CCDC62: variants seen among roughly 807,000 people sequenced by gnomAD.
CCDC62 encodes the protein coiled-coil domain containing 62.
In CCDC62, 72 loss-of-function variants were observed where a neutral mutation model predicts 80.8. The ratio of observed to expected loss-of-function variants is 0.89; its 90% CI spans 0.74 to 1.08. The LOEUF (loss-of-function observed/expected upper bound fraction) is 1.08, where lower values mean the gene tolerates loss of function less well. CCDC62 is among the 50% of genes least tolerant of loss of function. The pLI is 0.00. For synonymous variants in CCDC62, 286 were observed against 296.5 expected, an observed-to-expected ratio of 0.96 and a Z score of 0.36; for missense variants, 704 against 809.4, an observed-to-expected ratio of 0.87 and a Z score of 1.58.
At chr12:122,788,124 AAC>A (rs1419138613) in intron 4 of CCDC62, among the ~76,000 whole-genome samples, 1 of 152,182 alleles carries the variant, frequency 6.6e-6, no homozygotes, top group Non-Finnish European at 1.5e-5. Context: ...ACCTCTTAAT[AAC>A]AGTTATTCCA....
Position 122,796,163 on chromosome 12 carries a change from AT to A in CCDC62, c.773-1134del, listed in dbSNP as rs145540220. ...TAAGGCAACATTCAAATATACATAT[AT>A]TTTTTTTTTCTTTGACCACCTGCCC... On this transcript the variant is annotated intron_variant, in intron 6 of 12. Coordinates refer to ENST00000253079, the MANE Select transcript of CCDC62 (RefSeq NM_201435.5). Among the ~76,000 whole-genome samples, 368 of 150,464 alleles carry A rather than the reference AT, an allele frequency of 2.4e-3. 3 individuals are homozygous for A. Among genetic ancestry groups the A allele is most frequent in the South Asian group, 8.4e-3 (40 of 4,738 alleles).
intron 4 of CCDC62, 81 bp from the exon 5 acceptor site, chr12:122,788,677 T>A: frequency 1.1e-6 from 1 of 875,682 alleles, no homozygotes; most frequent in Non-Finnish European, 1.8e-6. Flanking sequence ...TGGCACACGA[T>A]AAGATCTTAG....
At chr12:122,800,458 C>T (rs909742457) in intron 8 of CCDC62, among the ~76,000 whole-genome samples, 24 of 149,226 alleles carry the variant, frequency 1.6e-4, no homozygotes, top group Non-Finnish European at 3.4e-4. Context: ...TGGAGTTTCA[C>T]TCTTGTCACC....
intron 4 of CCDC62, among the ~76,000 whole-genome samples, chr12:122,787,033 T>C (rs576386899): frequency 1.3e-5 from 2 of 152,330 alleles, no homozygotes; most frequent in South Asian, 4.1e-4. Context: ...GCAGACAGTT[T>C]AGTGGCTTCA....
chr12:122,797,563 C>T lies in CCDC62; in HGVS notation c.861+168C>T, dbSNP rs139377064. Among the ~76,000 whole-genome samples the T allele has an allele frequency of 2.7e-3, 408 of 152,118 alleles. 1 individual carries two copies. The highest frequency in any genetic ancestry group is 0.017 in the Middle Eastern group (5 of 294). On this transcript the variant is annotated intron_variant, in intron 7 of 12. Transcript: ENST00000253079. ...TTTTATTATTATTATTTTTTTGAGA[C>T]GGAGTCTCGCACTGTCAACCGGGCT...
chr12:122,780,398 G>C (rs1021247295), intron 2 of CCDC62, among the ~76,000 whole-genome samples: 1 of 151,374 alleles, frequency 6.6e-6, no homozygotes, highest in African/African-American at 2.4e-5. Flanking sequence ...CTGATCACGA[G>C]GTCAGGAGAT....
intron 2 of CCDC62, 113 bp downstream of exon 2, chr12:122,777,796 T>C: frequency 1.0e-6 from 1 of 962,926 alleles, no homozygotes; most frequent in Non-Finnish European, 1.5e-6. Context: ...TGTCCTCAAG[T>C]TTAGGCTCAT....
chr12:122,783,432 T>C (rs978165353), intron 3 of CCDC62, among the ~76,000 whole-genome samples: 8 of 151,906 alleles, frequency 5.3e-5, no homozygotes, highest in Non-Finnish European at 8.8e-5. Context: ...TTCACCGTGT[T>C]AGCCAGGATG....
At chr12:122,812,756 G>GGA (rs551370561) in intron 10 of CCDC62, among the ~76,000 whole-genome samples, 10 of 88,792 alleles carry the variant, frequency 1.1e-4, no homozygotes, top group African/African-American at 2.7e-4. Context: ...AGAGAGGGAG[G>GGA]GAGAGAGAGA....
At position 122,806,409 on chromosome 12, in the gene CCDC62, T is replaced by TA. The variant is rs1371587345; in HGVS notation, c.1851+114_1851+115insA. ...CTTATTTTGGCTATTCCTCCGTTTT[T>TA]TTTTTTTTTTTTTTAATTCTAGGAT... On this transcript the variant is annotated intron_variant, in intron 10 of 12. Transcript: ENST00000253079. 2.2e-3 allele frequency: 1,349 copies of TA among 616,806 alleles called. 19 individuals are homozygous for TA. In the African/African-American group the frequency reaches 0.023, roughly 11 times the overall value. The allele number at this position is 616,806 out of a possible 1,614,324, so 38.2% of individuals were successfully genotyped here. A position where few individuals can be genotyped will look rare whatever the true frequency, so the allele number is the denominator to read the frequency against.
At chr12:122,820,583 C>T (rs1184250574) in intron 11 of CCDC62, among the ~76,000 whole-genome samples, 1 of 152,156 alleles carries the variant, frequency 6.6e-6, no homozygotes, top group African/African-American at 2.4e-5. Flanking sequence ...GTGGTTCACG[C>T]CTGTAATCCC....
intron 4 of CCDC62, among the ~76,000 whole-genome samples, chr12:122,786,829 G>A (rs1370617920): frequency 6.6e-6 from 1 of 151,978 alleles, no homozygotes; most frequent in East Asian, 2.0e-4. Flanking sequence ...GCGAGGTGGC[G>A]GGCGCCTGTA....
At chr12:122,777,084 C>G (rs1879507061) in intron 1 of CCDC62, 1 of 158,016 alleles carries the variant, frequency 6.3e-6, no homozygotes, top group Non-Finnish European at 1.4e-5. Context: ...GCGTGAGCCA[C>G]CACGCCTGGC....
In CCDC62 at chr12:122,781,264, C is replaced by T; in HGVS notation, c.330C>T (p.Thr110=). The T allele has an allele frequency of 6.2e-7, 1 of 1,614,010 alleles. No individual in the cohort carries two copies. Among genetic ancestry groups the T allele is most frequent in the Non-Finnish European group, 8.5e-7 (1 of 1,179,940 alleles). ...QMECQTALQK[T]QLQLQEMAQK... ...AATGCCAAACAGCTCTCCAAAAGAC[C>T]CAACTACAGCTTCAGGAAATGGCTC... The change falls in exon 3 of 13, where the codon ACC becomes ACT. Residue 110 remains threonine (T), a synonymous_variant. Coordinates refer to ENST00000253079, the MANE Select transcript of CCDC62 (RefSeq NM_201435.5).
chr12:122,805,068 A>G (rs938104010), intron 9 of CCDC62, among the ~76,000 whole-genome samples: 22 of 150,852 alleles, frequency 1.5e-4, no homozygotes, highest in Admixed American at 4.6e-4. Context: ...TATTTTTAGT[A>G]GAGATGGAGT....
intron 4 of CCDC62, among the ~76,000 whole-genome samples, chr12:122,786,146 T>TTTTTG (rs879461314): frequency 1.2e-4 from 19 of 152,120 alleles, no homozygotes; most frequent in East Asian, 1.9e-4. Context: ...TGAGAGGTTT[T>TTTTTG]TTTTGTTTTG....
At chr12:122,795,628 G>A (rs1162202007) in intron 6 of CCDC62, among the ~76,000 whole-genome samples, 2 of 152,052 alleles carry the variant, frequency 1.3e-5, no homozygotes, top group Non-Finnish European at 2.9e-5. Flanking sequence ...GTTTCACCGT[G>A]TTAGCCAGGA....
chr12:122,811,523 T>C (rs2031883738), intron 10 of CCDC62, among the ~76,000 whole-genome samples: 1 of 46,878 alleles, frequency 2.1e-5, no homozygotes, highest in Admixed American at 4.1e-4. Context: ...AATTAAGTTT[T>C]CTTAAAAAAA....
At chr12:122,790,903 A>G (rs1160447349) in intron 5 of CCDC62, among the ~76,000 whole-genome samples, 2 of 151,588 alleles carry the variant, frequency 1.3e-5, no homozygotes, top group Non-Finnish European at 2.9e-5. Flanking sequence ...AGGAAATTCC[A>G]CAAGTTTTAG....
Sources: allele counts gnomAD v4.1 joint callset (sites outside exome capture counted in the v4.1 genomes callset), GRCh38; gene constraint gnomAD v4.1.1; transcripts MANE v1.5; gene names NCBI Gene and HGNC (gene_info 2026-07-23, HGNC 2026-07-21).